Variants in GRIK3 observed in about 807,000 individuals in gnomAD.
The protein encoded by GRIK3 is glutamate ionotropic receptor kainate type subunit 3.
Under a neutral mutation model 102.5 loss-of-function variants are expected in GRIK3, and 29 were observed. The observed-to-expected ratio is 0.28, with a 90% CI of 0.21 to 0.39. The LOEUF (loss-of-function observed/expected upper bound fraction) is 0.39, where lower values mean the gene tolerates loss of function less well. Ranked by LOEUF, GRIK3 falls within the 10% of genes least tolerant of loss-of-function variation. The probability of loss-of-function intolerance (pLI) is 1.00; values close to 1 mark genes in which losing one functional copy is unlikely to be tolerated. For missense variants in GRIK3, 908 were observed against 1,252.4 expected, an observed-to-expected ratio of 0.73 and a Z score of 4.15; for synonymous variants, 511 against 504.9, an observed-to-expected ratio of 1.01 and a Z score of -0.16.
intron 1 of GRIK3, among the ~76,000 whole-genome samples, chr1:36,954,095 C>T (rs2124337865): frequency 6.6e-6 from 1 of 152,322 alleles, no homozygotes; most frequent in Admixed American, 6.5e-5. Context: ...GGACGAAGGG[C>T]ATCCTTTCCG....
rs570219744 is a variant in GRIK3, at chr1:36,844,494, C to T, written c.1327-2555G>A. Among the ~76,000 whole-genome samples, 8 of 152,332 alleles carry T rather than the reference C, an allele frequency of 5.3e-5. No individual in the cohort carries two copies. In the South Asian group the frequency reaches 1.7e-3, roughly 32 times the overall value. The stretch of plus-strand genomic sequence containing the variant: ...CGAGCAGGGTCTTTTGGTTGATGCT[C>T]TTGTGCAATGGACAAGTTGCACCAC... On this transcript the variant is annotated intron_variant, in intron 9 of 15. Transcript: ENST00000373091.
chr1:36,800,703 A>G lies in GRIK3; in HGVS notation c.*1148T>C, dbSNP rs1434044976. The G allele has an allele frequency of 6.6e-6, 1 of 152,240 alleles. No homozygotes were observed. Among genetic ancestry groups the G allele is most frequent in the Non-Finnish European group, 1.5e-5 (1 of 68,042 alleles). 9.4% of individuals were successfully genotyped at this position (152,240 alleles called of 1,614,324 possible). A position where few individuals can be genotyped will look rare whatever the true frequency, so the allele number is the denominator to read the frequency against. ...CTAGGTTTGGTAAGTCCAGGAGACCAGAAGTTCTTTTGGTCTCTTCTGGTT... is the reference window on the plus strand; with the variant it reads ...CTAGGTTTGGTAAGTCCAGGAGACCGGAAGTTCTTTTGGTCTCTTCTGGTT... On this transcript the variant is annotated 3_prime_UTR_variant, in exon 16 of 16. Coordinates refer to ENST00000373091, the MANE Select transcript of GRIK3 (RefSeq NM_000831.4).
intron 1 of GRIK3, among the ~76,000 whole-genome samples, chr1:37,005,265 T>C (rs1570859826): frequency 6.6e-6 from 1 of 152,186 alleles, no homozygotes; most frequent in Non-Finnish European, 1.5e-5. Context: ...CCAGGCCCCA[T>C]ACCTTACCTG....
chr1:36,860,043 C>T (rs373686938), intron 5 of GRIK3, 26 bp from the exon 6 acceptor site: 144 of 1,532,392 alleles, frequency 9.4e-5, no homozygotes, highest in Admixed American at 1.2e-4. Context: ...TCTGTGTAAA[C>T]CAAGGCATGC....
At chr1:36,865,331 C>A (rs963114224) in intron 5 of GRIK3, among the ~76,000 whole-genome samples, 10 of 152,126 alleles carry the variant, frequency 6.6e-5, no homozygotes, top group African/African-American at 1.9e-4. Context: ...ATGGAAGAAG[C>A]AAATTTGGAG....
intron 1 of GRIK3, among the ~76,000 whole-genome samples, chr1:36,947,324 C>T (rs140218409): frequency 6.6e-6 from 1 of 152,140 alleles, no homozygotes; most frequent in Non-Finnish European, 1.5e-5. Context: ...ACTACCTGCA[C>T]CCAGGCCTGG....
chr1:36,822,554 C>A (rs557329963), intron 11 of GRIK3, among the ~76,000 whole-genome samples: 51 of 152,298 alleles, frequency 3.3e-4, no homozygotes, highest in African/African-American at 1.0e-3. Context: ...TTGTAGCTTG[C>A]GGTTGCAAGG....
At chr1:36,947,571 G>A (rs978752321) in intron 1 of GRIK3, among the ~76,000 whole-genome samples, 11 of 151,970 alleles carry the variant, frequency 7.2e-5, no homozygotes, top group Non-Finnish European at 1.6e-4. Flanking sequence ...TCCTCTCCCC[G>A]TGACCATGCC....
intron 1 of GRIK3, among the ~76,000 whole-genome samples, chr1:36,919,417 A>G (rs940428195): frequency 1.3e-5 from 2 of 151,574 alleles, no homozygotes; most frequent in Non-Finnish European, 2.9e-5. Flanking sequence ...CATGTGCACA[A>G]TGTGCAGGTT....
rs148226014 is a variant in GRIK3 at position 37,005,392 on chromosome 1, C to T, written c.115+28602G>A. Reference sequence around the variant, plus strand: ...GAAAGCCACAGAGGAATGCTGGGCGCTGCTGGGAGGCCAAGGAGGTTAAGG... The same window carrying T: ...GAAAGCCACAGAGGAATGCTGGGCGTTGCTGGGAGGCCAAGGAGGTTAAGG... On this transcript the variant is annotated intron_variant, in intron 1 of 15. Transcript: ENST00000373091. 3.5e-4 allele frequency among the ~76,000 whole-genome samples: 54 copies of T among 152,362 alleles called. 1 individual carries two copies. In the East Asian group the frequency reaches 0.01, roughly 29 times the overall value.
At chr1:36,932,660 C>T (rs7555221) in intron 1 of GRIK3, among the ~76,000 whole-genome samples, 133,505 of 152,204 alleles carry the variant, frequency 0.88, 58,680 homozygotes, top group East Asian at 0.99. Context: ...ATTGCTATTA[C>T]TTTCCAAACT....
At chr1:36,830,052 A>G (rs1254382332) in intron 10 of GRIK3, among the ~76,000 whole-genome samples, 2 of 152,188 alleles carry the variant, frequency 1.3e-5, no homozygotes, top group Admixed American at 6.5e-5. Context: ...TGGATTCCCA[A>G]GTATAGTTCC....
chr1:37,010,994 G>A (rs1379790649), intron 1 of GRIK3, among the ~76,000 whole-genome samples: 4 of 152,044 alleles, frequency 2.6e-5, no homozygotes, highest in East Asian at 1.9e-4. Flanking sequence ...ACCCGCCTCC[G>A]CCTCCCAAAG....
intron 1 of GRIK3, among the ~76,000 whole-genome samples, chr1:36,972,286 C>T (rs1162557051): frequency 6.6e-6 from 1 of 152,190 alleles, no homozygotes; most frequent in African/African-American, 2.4e-5. Context: ...CCCACTCTGC[C>T]TAGGCCCAAA....
At chr1:36,807,280 G>A (rs1056478312) in intron 13 of GRIK3, among the ~76,000 whole-genome samples, 8 of 152,038 alleles carry the variant, frequency 5.3e-5, no homozygotes, top group Non-Finnish European at 1.5e-5. Context: ...GTCCCTTGCT[G>A]CCTGGGGAGA....
chr1:36,929,909 A>G (rs1401752802), intron 1 of GRIK3, among the ~76,000 whole-genome samples: 4 of 152,258 alleles, frequency 2.6e-5, no homozygotes, highest in Admixed American at 1.3e-4. Flanking sequence ...GCTTGGCTGG[A>G]GCTGGAGCAA....
intron 1 of GRIK3, among the ~76,000 whole-genome samples, chr1:36,946,446 T>C (rs1641785748): frequency 1.3e-5 from 2 of 152,240 alleles, no homozygotes; most frequent in African/African-American, 2.4e-5. Context: ...TCCAAGGGGC[T>C]GCTGGACAGC....
chr1:36,908,332 C>T lies in GRIK3; in HGVS notation c.116-17236G>A, dbSNP rs141212097. Among the ~76,000 whole-genome samples, 42 of 152,272 alleles carry T rather than the reference C, an allele frequency of 2.8e-4. 1 individual carries two copies. In the East Asian group the frequency reaches 5.0e-3, roughly 18 times the overall value. On this transcript the variant is annotated intron_variant, in intron 1 of 15. Coordinates refer to ENST00000373091, the MANE Select transcript of GRIK3 (RefSeq NM_000831.4). ...GTGTTGCTGGAGATGGGGAAGGGGA[C>T]GCTGGACCTCATTAACTGCTAAATG...
chr1:36,862,773 C>T (rs1332477517), intron 5 of GRIK3, among the ~76,000 whole-genome samples: 1 of 152,152 alleles, frequency 6.6e-6, no homozygotes, highest in African/African-American at 2.4e-5. Context: ...GAAAGTGCCA[C>T]CTACCATATA....
Sources: allele counts gnomAD v4.1 joint callset (sites outside exome capture counted in the v4.1 genomes callset), GRCh38; gene constraint gnomAD v4.1.1; transcripts MANE v1.5; gene names NCBI Gene and HGNC (gene_info 2026-07-23, HGNC 2026-07-21).